Variants in AFG1L observed in about 807,000 individuals in gnomAD.
The protein encoded by AFG1L is AFG1 like ATPase.
A neutral mutation model predicts 62.2 loss-of-function variants in AFG1L; 53 were observed. That is an observed-to-expected ratio of 0.85 (90% CI 0.68 to 1.07). AFG1L has a LOEUF of 1.07. AFG1L is among the 50% of genes least tolerant of loss of function. The pLI, the probability that AFG1L is intolerant of heterozygous loss-of-function variation, is 0.00. For synonymous variants in AFG1L, 228 were observed against 210.3 expected, an observed-to-expected ratio of 1.08 and a Z score of -0.73; for missense variants, 555 against 590.5, an observed-to-expected ratio of 0.94 and a Z score of 0.62.
In AFG1L at chr6:108,375,733, A is replaced by G. The variant is rs116810591; in HGVS notation, c.748+9401A>G. On this transcript the variant is annotated intron_variant, in intron 6 of 12. Transcript: ENST00000368977. Reference sequence around the variant, plus strand: ...GTGTTGTTGAATTCAGTTTTCTAGTATTTTTTGAGGATTTTGGTATCTGTG... The same window carrying G: ...GTGTTGTTGAATTCAGTTTTCTAGTGTTTTTTGAGGATTTTGGTATCTGTG... Among the ~76,000 whole-genome samples, 642 of 152,052 alleles carry G rather than the reference A, an allele frequency of 4.2e-3. 3 individuals carry two copies. Among genetic ancestry groups the G allele is most frequent in the African/African-American group, 0.015 (615 of 41,510 alleles).
chr6:108,501,404 C>T (rs889656419), intron 10 of AFG1L, among the ~76,000 whole-genome samples: 2 of 152,160 alleles, frequency 1.3e-5, no homozygotes, highest in African/African-American at 2.4e-5. Flanking sequence ...GTAATTTGCA[C>T]CACATTTTTT....
intron 6 of AFG1L, among the ~76,000 whole-genome samples, chr6:108,398,207 T>C (rs1562132634): frequency 6.6e-6 from 1 of 152,240 alleles, no homozygotes; most frequent in Non-Finnish European, 1.5e-5. Context: ...TGATCAATGA[T>C]GTTGAGCACT....
intron 2 of AFG1L, among the ~76,000 whole-genome samples, chr6:108,344,257 C>G (rs1778785428): frequency 6.6e-6 from 1 of 152,070 alleles, no homozygotes. Context: ...AGATTATAGG[C>G]ATGCACCACA....
chr6:108,474,802 T>C (rs1157195364), intron 8 of AFG1L, among the ~76,000 whole-genome samples: 2 of 152,206 alleles, frequency 1.3e-5, no homozygotes, highest in East Asian at 1.9e-4. Flanking sequence ...CTTTGTCAGA[T>C]GGGTAGATTA....
intron 6 of AFG1L, chr6:108,392,117 A>C (rs1378195828): frequency 1.3e-5 from 2 of 152,192 alleles, no homozygotes; most frequent in Admixed American, 6.5e-5. Flanking sequence ...AATGATACAG[A>C]GAAGATTAGC....
At chr6:108,347,183 G>A in intron 3 of AFG1L, 144 bp downstream of exon 3, 1 of 673,864 alleles carries the variant, frequency 1.5e-6, no homozygotes, top group South Asian at 1.8e-5. Flanking sequence ...AGAAGAAAAG[G>A]GAGAGAGGGC....
chr6:108,470,290 T>C (rs1187591937), intron 8 of AFG1L, among the ~76,000 whole-genome samples: 10 of 152,228 alleles, frequency 6.6e-5, no homozygotes, highest in Non-Finnish European at 1.0e-4. Flanking sequence ...GGAAAGGCTC[T>C]TATCACACAT....
chr6:108,476,774 T>TA (rs1181943288), intron 8 of AFG1L, 91 bp from the exon 9 acceptor site: 10 of 847,480 alleles, frequency 1.2e-5, no homozygotes, highest in East Asian at 4.9e-5. Flanking sequence ...TCTTTTTTTT[T>TA]ATGGGCAAAA....
intron 3 of AFG1L, among the ~76,000 whole-genome samples, chr6:108,349,021 G>C (rs186996936): frequency 1.3e-5 from 2 of 152,176 alleles, no homozygotes; most frequent in African/African-American, 4.8e-5. Context: ...GTGTTTGAAA[G>C]CAATAGAAAA....
intron 10 of AFG1L, among the ~76,000 whole-genome samples, chr6:108,494,015 A>C (rs1299999427): frequency 1.3e-5 from 2 of 152,146 alleles, no homozygotes; most frequent in East Asian, 3.9e-4. Context: ...ATTTTAGTAG[A>C]GATGGGGTTT....
At chr6:108,452,140 A>G (rs1772081883) in intron 8 of AFG1L, among the ~76,000 whole-genome samples, 1 of 152,154 alleles carries the variant, frequency 6.6e-6, no homozygotes, top group South Asian at 2.1e-4. Flanking sequence ...ACAGTAATCT[A>G]TTTTGAATTG....
chr6:108,499,397 T>G (rs983934776), intron 10 of AFG1L, among the ~76,000 whole-genome samples: 2 of 151,998 alleles, frequency 1.3e-5, no homozygotes, highest in African/African-American at 4.8e-5. Flanking sequence ...AAAGTCAGTT[T>G]TGATACTTGA....
chr6:108,473,937 A>T (rs1394381418), intron 8 of AFG1L, among the ~76,000 whole-genome samples: 1 of 152,174 alleles, frequency 6.6e-6, no homozygotes, highest in Non-Finnish European at 1.5e-5. Context: ...TTACATAGGT[A>T]AATGTGTGCC....
At chr6:108,449,993 G>A (rs924463582) in intron 8 of AFG1L, among the ~76,000 whole-genome samples, 1 of 152,110 alleles carries the variant, frequency 6.6e-6, no homozygotes, top group Non-Finnish European at 1.5e-5. Context: ...TCTTAATCCA[G>A]TCTATCATTG....
chr6:108,415,505 A>C (rs1770217295), intron 7 of AFG1L, among the ~76,000 whole-genome samples: 1 of 152,242 alleles, frequency 6.6e-6, no homozygotes, highest in South Asian at 2.1e-4. Context: ...GCATCACGCT[A>C]CCTGACTTCA....
intron 6 of AFG1L, among the ~76,000 whole-genome samples, chr6:108,396,054 T>G (rs1234252602): frequency 3.3e-5 from 5 of 151,728 alleles, no homozygotes; most frequent in Admixed American, 2.6e-4. Flanking sequence ...TTTTGTTTTT[T>G]TTTTTGTAGA....
chr6:108,403,324 A>G (rs1441924116), intron 7 of AFG1L, among the ~76,000 whole-genome samples: 1 of 152,186 alleles, frequency 6.6e-6, no homozygotes, highest in African/African-American at 2.4e-5. Flanking sequence ...AGAAGGGTTA[A>G]AATGTTTTAC....
Position 108,401,992 on chromosome 6 carries a change from TC to T in AFG1L, c.749-3del. 1.4e-6 allele frequency: 2 copies of T among 1,415,910 alleles called. No individual in the cohort carries two copies. Among genetic ancestry groups the T allele is most frequent in the Admixed American group, 2.2e-5 (1 of 45,880 alleles). The allele number at this position is 1,415,910 out of a possible 1,614,324, so 87.7% of individuals were successfully genotyped here. ...AAAAAACTAATATCATTTTTTTCTT[TC>T]AGATCTCTATAAAAATGGACTCCAA... On this transcript the variant is annotated splice_polypyrimidine_tract_variant and splice_region_variant and intron_variant, in intron 6 of 12. Coordinates refer to ENST00000368977, the MANE Select transcript of AFG1L (RefSeq NM_145315.5).
intron 6 of AFG1L, among the ~76,000 whole-genome samples, chr6:108,398,340 A>G (rs1008291909): frequency 1.3e-5 from 2 of 152,174 alleles, no homozygotes; most frequent in Admixed American, 1.3e-4. Context: ...AGCTTCTTAT[A>G]TATTCTGGTT....
Sources: allele counts gnomAD v4.1 joint callset (sites outside exome capture counted in the v4.1 genomes callset), GRCh38; gene constraint gnomAD v4.1.1; transcripts MANE v1.5; gene names NCBI Gene and HGNC (gene_info 2026-07-23, HGNC 2026-07-21).